The following KNDC1 variants were observed in gnomAD, a reference collection of about 807,000 sequenced individuals.
KNDC1 encodes the protein kinase non-catalytic C-lobe domain containing 1.
KNDC1 carries 106 observed loss-of-function variants against 172.8 expected under a neutral mutation model. The observed-to-expected ratio is 0.61, with a 90% CI of 0.52 to 0.72. The LOEUF (loss-of-function observed/expected upper bound fraction) is 0.72. Among genes scored for constraint, KNDC1 ranks in the 30% least tolerant of loss-of-function variants. KNDC1 has a pLI of 0.00. For missense variants in KNDC1, 2,325 were observed against 2,394.5 expected (o/e 0.97, Z 0.61); for synonymous variants, 1,083 against 1,062.2 (o/e 1.02, Z -0.38).
At chr10:133,174,677 T>C (rs1853475884) in intron 3 of KNDC1, among the ~76,000 whole-genome samples, 2 of 148,660 alleles carry the variant, frequency 1.3e-5, no homozygotes, top group South Asian at 4.3e-4. Flanking sequence ...ATGGTGGATA[T>C]GTGGATGGAT....
intron 29 of KNDC1, 41 bp downstream of exon 29, chr10:133,220,153 G>A (rs767094561): frequency 5.8e-5 from 87 of 1,502,306 alleles, no homozygotes; most frequent in Middle Eastern, 4.5e-4. Context: ...AGGAGAGGAG[G>A]GGCTCAGGCG....
chr10:133,166,735 T>C (rs905321131), intron 1 of KNDC1, among the ~76,000 whole-genome samples: 1 of 148,556 alleles, frequency 6.7e-6, no homozygotes, highest in Non-Finnish European at 1.5e-5. Context: ...GTGGGTATGT[T>C]TGTGCATGTG....
Position 133,194,403 on chromosome 10 carries a change from C to T in KNDC1, c.1576-1260C>T, listed in dbSNP as rs1054004936. Reference sequence around the variant, plus strand: ...CGAACCAGGATTTTTGTGCCAATGGCGATGTGCTGGCTGAGATACTGGACT... The same window carrying T: ...CGAACCAGGATTTTTGTGCCAATGGTGATGTGCTGGCTGAGATACTGGACT... On this transcript the variant is annotated intron_variant, in intron 9 of 29. Transcript: ENST00000304613. Among the ~76,000 whole-genome samples, 3 of 152,058 alleles carry T rather than the reference C, an allele frequency of 2.0e-5. No homozygotes were observed. The South Asian group carries it at 6.2e-4, about 31-fold the overall frequency.
intron 24 of KNDC1, 97 bp from the exon 25 acceptor site, chr10:133,213,548 G>A (rs1845414575): frequency 1.0e-6 from 1 of 982,152 alleles, no homozygotes; most frequent in Non-Finnish European, 1.6e-6. Context: ...TGCAGAGCTG[G>A]CCCCCCAGAA....
chr10:133,171,919 A>G (rs1853389188), intron 3 of KNDC1, among the ~76,000 whole-genome samples: 1 of 152,220 alleles, frequency 6.6e-6, no homozygotes, highest in South Asian at 2.1e-4. Context: ...TCTGGCCACA[A>G]TTCACTTTAG....
intron 3 of KNDC1, among the ~76,000 whole-genome samples, chr10:133,175,702 TC>T (rs1853516410): frequency 7.1e-6 from 1 of 141,054 alleles, no homozygotes; most frequent in South Asian, 2.4e-4. Context: ...GGATGAACAG[TC>T]GGATAGGGAT....
intron 9 of KNDC1, among the ~76,000 whole-genome samples, chr10:133,193,346 G>A (rs79759477): frequency 0.031 from 4,671 of 152,180 alleles, 220 homozygotes; most frequent in African/African-American, 0.11. Flanking sequence ...CCAAGATGAC[G>A]AAACCCTGTA....
At chr10:133,210,113 C>A (rs1474598880) in intron 20 of KNDC1, among the ~76,000 whole-genome samples, 1 of 151,954 alleles carries the variant, frequency 6.6e-6, no homozygotes, top group South Asian at 2.1e-4. Context: ...CAGCAGGGCA[C>A]GGTGGCTCAC....
chr10:133,165,815 G>A (rs138342447), intron 1 of KNDC1, among the ~76,000 whole-genome samples: 1,650 of 152,302 alleles, frequency 0.011, 24 homozygotes, highest in Non-Finnish European at 0.019. Context: ...TAAGAGGGCG[G>A]CAGGCTTGAG....
At chr10:133,214,258 A>C (rs887221303) in intron 26 of KNDC1, 136 bp downstream of exon 26, 2 of 955,810 alleles carry the variant, frequency 2.1e-6, no homozygotes, top group African/African-American at 1.6e-5. Context: ...TTGGAACCAC[A>C]CCCGACCCAA....
chr10:133,211,729 G>C lies in KNDC1; in HGVS notation c.4107G>C (p.Val1369=). 1 of 1,609,346 alleles carries C rather than the reference G, an allele frequency of 6.2e-7. No individual in the cohort carries two copies. Among genetic ancestry groups the C allele is most frequent in the South Asian group, 1.1e-5 (1 of 90,896 alleles). The part of the protein sequence containing the change: ...SAKHLLGLLE[V]GMDRRAEGNP... ...AGCACCTGCTGGGCCTCCTGGAGGT[G>C]GGCATGGACCGGCGGGCCGAGGGCA... The change falls in exon 23 of 30, where the codon GTG becomes GTC. Residue 1369 remains valine (V), a synonymous_variant. Transcript: ENST00000304613.
intron 2 of KNDC1, 119 bp from the exon 3 acceptor site, chr10:133,168,135 C>T (rs1464412212): frequency 1.2e-6 from 1 of 844,756 alleles, no homozygotes; most frequent in East Asian, 2.4e-5. Flanking sequence ...GGTCTGGGGA[C>T]ACCAGGTCTG....
chr10:133,219,414 G>A (rs1412678557), intron 28 of KNDC1, among the ~76,000 whole-genome samples: 1 of 152,364 alleles, frequency 6.6e-6, no homozygotes, highest in Non-Finnish European at 1.5e-5. Context: ...GGACGGCAGG[G>A]GTGGCCTCAT....
chr10:133,193,589 A>C (rs1854116243), intron 9 of KNDC1, among the ~76,000 whole-genome samples: 4 of 152,162 alleles, frequency 2.6e-5, no homozygotes, highest in African/African-American at 9.7e-5. Flanking sequence ...AGAAGGAAAA[A>C]GGAGAAGGAA....
In KNDC1 at chr10:133,209,827, G is replaced by A. The variant is rs1845318664; in HGVS notation, c.3795-784G>A. ...CAGGGCCACGCCATCTCCTGCCTGA[G>A]ACTCCTCCAGGGTGGGAGGAGGCCT... On this transcript the variant is annotated intron_variant, in intron 20 of 29. Coordinates refer to ENST00000304613, the MANE Select transcript of KNDC1 (RefSeq NM_152643.8). The surrounding 1 kb of genome is among the most constrained non-coding windows in gnomAD (Gnocchi z 4.9). Among the ~76,000 whole-genome samples the A allele has an allele frequency of 6.6e-6, 1 of 151,996 alleles. No homozygotes were observed. Among genetic ancestry groups the A allele is most frequent in the Non-Finnish European group, 1.5e-5 (1 of 67,968 alleles).
Position 133,224,405 on chromosome 10 carries a change from A to G in KNDC1, c.5019-254A>G, listed in dbSNP as rs1419519106. Reference sequence around the variant, plus strand: ...ACTCTTCTTGGGACGCTCAGCAGGGACGAGCCTGAGCCTGCAGGGTTTCCA... The same window carrying G: ...ACTCTTCTTGGGACGCTCAGCAGGGGCGAGCCTGAGCCTGCAGGGTTTCCA... On this transcript the variant is annotated intron_variant, in intron 29 of 29. Coordinates refer to ENST00000304613, the MANE Select transcript of KNDC1 (RefSeq NM_152643.8). The surrounding 1 kb of genome is among the most constrained non-coding windows in gnomAD (Gnocchi z 5.4). Among the ~76,000 whole-genome samples, 2 of 152,064 alleles carry G rather than the reference A, an allele frequency of 1.3e-5. No homozygotes were observed. The highest frequency in any genetic ancestry group is 4.8e-5 in the African/African-American group (2 of 41,398).
At chr10:133,212,321 A>G (rs1383435941) in intron 23 of KNDC1, among the ~76,000 whole-genome samples, 1 of 152,090 alleles carries the variant, frequency 6.6e-6, no homozygotes, top group East Asian at 1.9e-4. Flanking sequence ...ACACGTGCAC[A>G]CTCACATACC....
intron 23 of KNDC1, among the ~76,000 whole-genome samples, chr10:133,212,208 A>G (rs1368685543): frequency 6.6e-6 from 1 of 151,094 alleles, no homozygotes; most frequent in Non-Finnish European, 1.5e-5. Context: ...GTGCACCCTC[A>G]CACATATCCA....
At chr10:133,187,724 G>T (rs1187206315) in intron 6 of KNDC1, among the ~76,000 whole-genome samples, 1 of 152,218 alleles carries the variant, frequency 6.6e-6, no homozygotes, top group African/African-American at 2.4e-5. Flanking sequence ...GGCCTCCCAG[G>T]CTGAACGCAT....
Sources: gnomAD v4.1 joint callset for allele counts (sites outside exome capture counted in the v4.1 genomes callset) on GRCh38, gnomAD v4.1.1 for gene constraint, Gnocchi (gnomAD v3.1) non-coding constraint, MANE v1.5 for transcripts, NCBI Gene and HGNC (gene_info 2026-07-23, HGNC 2026-07-21) for gene names.